PLEKHG3: variants seen among roughly 807,000 people sequenced by gnomAD.
PLEKHG3 encodes pleckstrin homology and RhoGEF domain containing G3, also known as pleckstrin homology domain-containing family G member 3.
PLEKHG3 carries 62 observed loss-of-function variants against 94.9 expected under a neutral mutation model. The observed-to-expected ratio is 0.65, with a 90% CI of 0.53 to 0.81. The LOEUF (loss-of-function observed/expected upper bound fraction) is 0.81. Ranked by LOEUF, PLEKHG3 falls within the 30% of genes least tolerant of loss-of-function variation. The pLI is 0.00. For synonymous variants in PLEKHG3, 614 were observed against 654.0 expected (o/e 0.94, Z 0.93); for missense variants, 1,461 against 1,619.3 (o/e 0.90, Z 1.68).
In PLEKHG3 at chr14:64,718,053, C is replaced by T. The variant is rs1203370972; in HGVS notation, c.-39-9540C>T. Reference sequence around the variant, plus strand: ...GGTCCTCTCGGGACTCAGCTGCTCTCTTGGCAGCAAATGCACTCAGATCTC... The same window carrying T: ...GGTCCTCTCGGGACTCAGCTGCTCTTTTGGCAGCAAATGCACTCAGATCTC... On this transcript the variant is annotated intron_variant, in intron 1 of 16. Transcript: ENST00000247226. The surrounding 1 kb of genome is among the most constrained non-coding windows in gnomAD (Gnocchi z 5.0). Among the ~76,000 whole-genome samples the T allele has an allele frequency of 2.6e-5, 4 of 152,200 alleles. No individual in the cohort carries two copies. Among genetic ancestry groups the T allele is most frequent in the African/African-American group, 9.6e-5 (4 of 41,464 alleles).
Position 64,731,134 on chromosome 14 carries a change from A to G in PLEKHG3, c.814A>G (p.Met272Val). 6.2e-7 allele frequency: 1 copy of G among 1,608,524 alleles called. No individual in the cohort carries two copies. Among genetic ancestry groups the G allele is most frequent in the Non-Finnish European group, 8.5e-7 (1 of 1,176,786 alleles). ...CTGTGTGGCCTGGTACATCAACGAC[A>G]TGAAGAGGAGGCATGAGCACGCGGT... ...MTCVAWYIND[M>V]KRRHEHAVRL... The change falls in exon 7 of 17, where the codon ATG (methionine) becomes GTG (valine). Residue 272 changes from methionine to valine, a missense_variant. Met to Val is a conservative substitution (Grantham distance 21, BLOSUM62 1). This residue lies in a region of PLEKHG3 where 1,201 missense variants were observed against 1,295.5 expected (regional missense o/e 0.93). Transcript: ENST00000247226. This position sits in a 1 kb window ranked among gnomAD's most constrained non-coding sequence, Gnocchi z 6.1.
In PLEKHG3 at chr14:64,748,353, G is replaced by A. The variant is rs1030050808; in HGVS notation, c.*4650G>A. On this transcript the variant is annotated 3_prime_UTR_variant, in exon 17 of 17. Coordinates refer to ENST00000247226, the MANE Select transcript of PLEKHG3 (RefSeq NM_001308147.2). Reference sequence around the variant, plus strand: ...GGGGGCCCACACTGTCCCGTAGGGGGCCTATGTCTGTTGGATATTGCTGGT... The same window carrying A: ...GGGGGCCCACACTGTCCCGTAGGGGACCTATGTCTGTTGGATATTGCTGGT... The A allele has an allele frequency of 1.1e-4, 17 of 152,420 alleles. No homozygotes were observed. The highest frequency in any genetic ancestry group is 3.4e-4 in the African/African-American group (14 of 41,578). The allele number at this position is 152,420 out of a possible 1,614,324, so 9.4% of individuals were successfully genotyped here.
chr14:64,741,670 A>G lies in PLEKHG3; in HGVS notation c.2153A>G (p.Asp718Gly), dbSNP rs757887650. 4 of 1,613,006 alleles carry G rather than the reference A, an allele frequency of 2.5e-6. No individual in the cohort carries two copies. The South Asian group carries it at 3.3e-5, about 13-fold the overall frequency. Residue 718 changes from aspartate to glycine, a missense_variant, in exon 16 of 17, where the codon GAC becomes GGC. By Grantham distance (94) the Asp-to-Gly change is moderately conservative. Coordinates refer to ENST00000247226, the MANE Select transcript of PLEKHG3 (RefSeq NM_001308147.2). ...ALSTRDRLLL[D>G]KIKSYYENAE... Reference sequence around the variant, plus strand: ...TCCACCCGAGACCGGCTGTTGCTAGACAAGATTAAGAGCTATTATGAAAAT... The same window carrying G: ...TCCACCCGAGACCGGCTGTTGCTAGGCAAGATTAAGAGCTATTATGAAAAT...
Position 64,743,583 on chromosome 14 carries a change from C to G in PLEKHG3, c.3540C>G (p.Phe1180Leu). 3.7e-6 allele frequency: 6 copies of G among 1,612,970 alleles called. No homozygotes were observed. Among genetic ancestry groups the G allele is most frequent in the Non-Finnish European group, 5.1e-6 (6 of 1,179,982 alleles). Residue 1180 changes from phenylalanine (F) to leucine (L), a missense_variant, in exon 17 of 17, where the codon TTC becomes TTG. Transcript: ENST00000247226. The surrounding 1 kb of genome is among the most constrained non-coding windows in gnomAD (Gnocchi z 7.2). ...PVALLGQVQD[F>L]QQSAECQPKE... The stretch of plus-strand genomic sequence containing the variant: ...CCCTGCTGGGGCAGGTTCAGGACTT[C>G]CAGCAGTCTGCAGAGTGCCAGCCGA...
chr14:64,742,113 C>G lies in PLEKHG3; in HGVS notation c.2596C>G (p.Pro866Ala), dbSNP rs2081710504. The part of the protein sequence containing the change: ...AITEESATAS[P>A]ESSSPTEGRS... Reference sequence around the variant, plus strand: ...CACAGAGGAGTCGGCCACTGCCTCCCCGGAAAGCTCCTCTCCCACTGAGGG... The same window carrying G: ...CACAGAGGAGTCGGCCACTGCCTCCGCGGAAAGCTCCTCTCCCACTGAGGG... The change falls in exon 16 of 17, where the codon CCG becomes GCG. Residue 866 changes from proline to alanine, a missense_variant. Pro to Ala is a conservative substitution (Grantham distance 27). Coordinates refer to ENST00000247226, the MANE Select transcript of PLEKHG3 (RefSeq NM_001308147.2). 1.2e-6 allele frequency: 2 copies of G among 1,610,592 alleles called. No homozygotes were observed. Among genetic ancestry groups the G allele is most frequent in the African/African-American group, 2.7e-5 (2 of 75,066 alleles).
chr14:64,749,467 TCTC>T lies in PLEKHG3; in HGVS notation c.*5770_*5772del. 2.5e-6 allele frequency: 4 copies of T among 1,600,570 alleles called. No individual in the cohort carries two copies. The highest frequency in any genetic ancestry group is 1.1e-5 in the South Asian group (1 of 90,922). ...CTCACGCCCTGCAGCCAGGACAGCA[TCTC>T]CTCCTGCGGGGCGGAGGGTCACGGT... On this transcript the variant is annotated 3_prime_UTR_variant, in exon 17 of 17. Transcript: ENST00000247226. This position sits in a 1 kb window ranked among gnomAD's most constrained non-coding sequence, Gnocchi z 4.7.
In PLEKHG3 at chr14:64,744,570, C is replaced by G. The variant is rs1229926808; in HGVS notation, c.*867C>G. 6.6e-6 allele frequency: 1 copy of G among 152,094 alleles called. No homozygotes were observed. Among genetic ancestry groups the G allele is most frequent in the African/African-American group, 2.4e-5 (1 of 41,382 alleles). 9.4% of individuals were successfully genotyped at this position (152,094 alleles called of 1,614,324 possible). A position where few individuals can be genotyped will look rare whatever the true frequency, so the allele number is the denominator to read the frequency against. On this transcript the variant is annotated 3_prime_UTR_variant, in exon 17 of 17. Transcript: ENST00000247226. ...CCTAGACTCCCATGGGCTTCTCTGTCTAGCAGCAGCCTGCTGTCCTGTCTA... is the reference window on the plus strand; with the variant it reads ...CCTAGACTCCCATGGGCTTCTCTGTGTAGCAGCAGCCTGCTGTCCTGTCTA...
At chr14:64,708,593 G>T (rs1199779343) in intron 1 of PLEKHG3, among the ~76,000 whole-genome samples, 2 of 152,050 alleles carry the variant, frequency 1.3e-5, no homozygotes, top group African/African-American at 4.8e-5. Flanking sequence ...AGAACTCAGG[G>T]TCGGCTGCCT....
chr14:64,738,422 A>C lies in PLEKHG3; in HGVS notation c.1405-320A>C, dbSNP rs945482937. Among the ~76,000 whole-genome samples the C allele has an allele frequency of 2.6e-5, 4 of 152,148 alleles. No homozygotes were observed. The highest frequency in any genetic ancestry group is 5.9e-5 in the Non-Finnish European group (4 of 68,018). ...CTGTTCCAGTACTGGGCACTAATCA[A>C]TATAACGCCCAACAAGCATGACAAG... On this transcript the variant is annotated intron_variant, in intron 14 of 16. Transcript: ENST00000247226. This position sits in a 1 kb window ranked among gnomAD's most constrained non-coding sequence, Gnocchi z 4.8.
chr14:64,716,471 AC>A lies in PLEKHG3; in HGVS notation c.-39-11121del, dbSNP rs1403875990. Among the ~76,000 whole-genome samples the A allele has an allele frequency of 8.5e-4, 113 of 133,676 alleles. No homozygotes were observed. Among genetic ancestry groups the A allele is most frequent in the African/African-American group, 9.6e-4 (33 of 34,448 alleles). The allele number at this position is 133,676 out of a possible 152,430, so 87.7% of individuals were successfully genotyped here. On this transcript the variant is annotated intron_variant, in intron 1 of 16. Coordinates refer to ENST00000247226, the MANE Select transcript of PLEKHG3 (RefSeq NM_001308147.2). This position sits in a 1 kb window ranked among gnomAD's most constrained non-coding sequence, Gnocchi z 5.0. Reference sequence around the variant, plus strand: ...ACACACACACACACACACACAACACACACACACACAACACACACACACACAA... The same window carrying A: ...ACACACACACACACACACACAACACAACACACACAACACACACACACACAA...
In PLEKHG3 at chr14:64,722,370, G is replaced by A. The variant is rs554762804; in HGVS notation, c.-39-5223G>A. Among the ~76,000 whole-genome samples the A allele has an allele frequency of 6.6e-6, 1 of 152,114 alleles. No homozygotes were observed. The highest frequency in any genetic ancestry group is 2.4e-5 in the African/African-American group (1 of 41,508). On this transcript the variant is annotated intron_variant, in intron 1 of 16. Transcript: ENST00000247226. This position sits in a 1 kb window ranked among gnomAD's most constrained non-coding sequence, Gnocchi z 4.3. Reference sequence around the variant, plus strand: ...ATTACAGGTGCATGCCACCACACCCGGCTAATTTTTGTATTTTTAGTAGAG... The same window carrying A: ...ATTACAGGTGCATGCCACCACACCCAGCTAATTTTTGTATTTTTAGTAGAG...
At chr14:64,712,317 T>G (rs1266995204) in intron 1 of PLEKHG3, among the ~76,000 whole-genome samples, 2 of 152,168 alleles carry the variant, frequency 1.3e-5, no homozygotes, top group African/African-American at 2.4e-5. Context: ...GGTCCCTTGC[T>G]TTTCCATATG....
Position 64,749,200 on chromosome 14 carries a change from T to TCGACTCATCTCGATTCGAC in PLEKHG3, c.*5500_*5518dup. On this transcript the variant is annotated 3_prime_UTR_variant, in exon 17 of 17. Coordinates refer to ENST00000247226, the MANE Select transcript of PLEKHG3 (RefSeq NM_001308147.2). This position sits in a 1 kb window ranked among gnomAD's most constrained non-coding sequence, Gnocchi z 4.7. ...GGGGCCCGGGGGCCCGGCCCGCGAC[T>TCGACTCATCTCGATTCGAC]CGACTCATCTCGATTCGACCGGCGG... The TCGACTCATCTCGATTCGAC allele has an allele frequency of 7.2e-7, 1 of 1,393,466 alleles. No individual in the cohort carries two copies. Among genetic ancestry groups the TCGACTCATCTCGATTCGAC allele is most frequent in the Non-Finnish European group, 9.7e-7 (1 of 1,025,904 alleles). The allele number at this position is 1,393,466 out of a possible 1,614,324, so 86.3% of individuals were successfully genotyped here.
chr14:64,712,784 T>G (rs1285345400), intron 1 of PLEKHG3, among the ~76,000 whole-genome samples: 2 of 152,240 alleles, frequency 1.3e-5, no homozygotes, highest in Admixed American at 6.5e-5. Flanking sequence ...TTCTTCCTTT[T>G]CAACCCAGAT....
At position 64,743,256 on chromosome 14, in the gene PLEKHG3, C is replaced by G. The variant is rs1179927668; in HGVS notation, c.3213C>G (p.Pro1071=). The part of the protein sequence containing the change: ...DEARRAGGGR[P]RGPPVNRSHS... ...CACGCCGAGCAGGGGGCGGCCGGCC[C>G]CGCGGCCCACCCGTCAACAGGAGCC... Residue 1071 remains proline (P), a synonymous_variant, in exon 17 of 17, where the codon CCC becomes CCG. Coordinates refer to ENST00000247226, the MANE Select transcript of PLEKHG3 (RefSeq NM_001308147.2). The surrounding 1 kb of genome is among the most constrained non-coding windows in gnomAD (Gnocchi z 7.2). 2 of 1,606,236 alleles carry G rather than the reference C, an allele frequency of 1.2e-6. No homozygotes were observed. Among genetic ancestry groups the G allele is most frequent in the African/African-American group, 1.3e-5 (1 of 74,982 alleles).
At chr14:64,736,352 C>T (rs2139390196) in intron 12 of PLEKHG3, among the ~76,000 whole-genome samples, 1 of 152,374 alleles carries the variant, frequency 6.6e-6, no homozygotes, top group South Asian at 2.1e-4. Context: ...TGATGCCCAG[C>T]CTTAAGGGCC....
intron 1 of PLEKHG3, among the ~76,000 whole-genome samples, chr14:64,711,758 G>A (rs1242321950): frequency 3.9e-5 from 6 of 152,096 alleles, no homozygotes; most frequent in South Asian, 4.1e-4. Flanking sequence ...TCAAGTATAC[G>A]ATTTACAGAT....
chr14:64,729,874 C>T lies in PLEKHG3; in HGVS notation c.450-369C>T, dbSNP rs75220969. ...CTCTCCCCATGTCCCACATCCTGGG[C>T]GCCCTGGCTCCTTTGCTAGTCCCCA... On this transcript the variant is annotated intron_variant, in intron 3 of 16. Transcript: ENST00000247226. Among the ~76,000 whole-genome samples the T allele has an allele frequency of 1.8e-3, 279 of 152,300 alleles. 1 individual carries two copies. Among genetic ancestry groups the T allele is most frequent in the African/African-American group, 5.9e-3 (245 of 41,556 alleles).
chr14:64,738,190 G>C lies in PLEKHG3; in HGVS notation c.1405-552G>C, dbSNP rs762672975. 3.1e-6 allele frequency: 4 copies of C among 1,290,010 alleles called. No individual in the cohort carries two copies. The highest frequency in any genetic ancestry group is 4.0e-6 in the Non-Finnish European group (4 of 989,574). The allele number at this position is 1,290,010 out of a possible 1,614,324, so 79.9% of individuals were successfully genotyped here. Reference sequence around the variant, plus strand: ...GCCGCCCTCCACTGCTGGCACTATCGGGCCAACGCTTTACTTTTCTCCCGG... The same window carrying C: ...GCCGCCCTCCACTGCTGGCACTATCCGGCCAACGCTTTACTTTTCTCCCGG... On this transcript the variant is annotated intron_variant, in intron 14 of 16. Transcript: ENST00000247226. This position sits in a 1 kb window ranked among gnomAD's most constrained non-coding sequence, Gnocchi z 4.8.
Sources: gnomAD v4.1 joint callset for allele counts (sites outside exome capture counted in the v4.1 genomes callset) on GRCh38, gnomAD v4.1.1 for gene constraint, gnomAD v4.1.1 regional missense constraint, Gnocchi (gnomAD v3.1) non-coding constraint, MANE v1.5 for transcripts, NCBI Gene and HGNC (gene_info 2026-07-23, HGNC 2026-07-21) for gene names.